Variants in BRF1 observed in about 807,000 individuals in gnomAD.
BRF1 encodes the protein transcription factor IIIB 90 kDa subunit.
BRF1 carries 59 observed loss-of-function variants against 81.7 expected under a neutral mutation model. The ratio of observed to expected loss-of-function variants is 0.72; its 90% CI spans 0.59 to 0.90. The LOEUF (loss-of-function observed/expected upper bound fraction) is 0.90. BRF1 is among the 40% of genes least tolerant of loss of function. BRF1 has a pLI of 0.00. For synonymous variants in BRF1, 491 were observed against 395.6 expected (o/e 1.24, Z -2.86); for missense variants, 1,050 against 936.3 (o/e 1.12, Z -1.58).
At position 105,289,050 on chromosome 14, in the gene BRF1, A is replaced by AG. The variant is rs1232036225; in HGVS notation, c.185-2675_185-2674insC. ...GACCCTGTCTCAAAAAAAAAAAAAA[A>AG]AAGAAGCTAGAACAGGCCAGGCATA... On this transcript the variant is annotated intron_variant, in intron 1 of 17. Coordinates refer to ENST00000547530, the MANE Select transcript of BRF1 (RefSeq NM_001519.4). Among the ~76,000 whole-genome samples, 88 of 151,656 alleles carry AG rather than the reference A, an allele frequency of 5.8e-4. 1 individual carries two copies. Among genetic ancestry groups the AG allele is most frequent in the Non-Finnish European group, 9.4e-4 (64 of 67,878 alleles).
chr14:105,263,140 G>C (rs1268536061), intron 3 of BRF1, among the ~76,000 whole-genome samples: 1 of 151,308 alleles, frequency 6.6e-6, no homozygotes, highest in Non-Finnish European at 1.5e-5. Context: ...GGGAGGCTGA[G>C]GCAGGAGAAT....
intron 6 of BRF1, among the ~76,000 whole-genome samples, chr14:105,229,551 C>A (rs587705211): frequency 1.3e-5 from 2 of 152,314 alleles, no homozygotes; most frequent in Non-Finnish European, 2.9e-5. Flanking sequence ...CCACATCCAC[C>A]CACCAGCACC....
chr14:105,229,198 C>G (rs587733065), intron 6 of BRF1, among the ~76,000 whole-genome samples: 7 of 152,210 alleles, frequency 4.6e-5, no homozygotes, highest in African/African-American at 1.4e-4. Flanking sequence ...AACAAACTAA[C>G]TCTAAGATGA....
intron 11 of BRF1, among the ~76,000 whole-genome samples, chr14:105,221,261 C>T (rs1892239023): frequency 6.6e-6 from 1 of 152,188 alleles, no homozygotes; most frequent in Non-Finnish European, 1.5e-5. Context: ...AGGGGTGCCT[C>T]GTCATTGCCA....
At chr14:105,279,326 T>C (rs2056974706) in intron 2 of BRF1, among the ~76,000 whole-genome samples, 2 of 152,170 alleles carry the variant, frequency 1.3e-5, no homozygotes, top group Non-Finnish European at 2.9e-5. Context: ...AGGACTCGAA[T>C]CCAGAATATA....
At chr14:105,215,855 C>T (rs982385226) in intron 15 of BRF1, among the ~76,000 whole-genome samples, 10 of 149,454 alleles carry the variant, frequency 6.7e-5, no homozygotes, top group African/African-American at 2.2e-4. Flanking sequence ...GACACAGGCA[C>T]ACACACACAT....
At chr14:105,272,361 C>T (rs1232992339) in intron 3 of BRF1, among the ~76,000 whole-genome samples, 1 of 152,230 alleles carries the variant, frequency 6.6e-6, no homozygotes, top group Non-Finnish European at 1.5e-5. Flanking sequence ...CAGCACCCCA[C>T]CTGCTCAGGC....
upstream of BRF1, among the ~76,000 whole-genome samples, chr14:105,304,381 G>A (rs368246909): frequency 5.3e-5 from 8 of 152,220 alleles, no homozygotes; most frequent in African/African-American, 1.2e-4. Context: ...CCAGCTACTC[G>A]GGAGGCTGAG....
intron 3 of BRF1, among the ~76,000 whole-genome samples, chr14:105,270,906 C>T (rs890422923): frequency 1.3e-5 from 2 of 152,124 alleles, no homozygotes; most frequent in South Asian, 2.1e-4. Context: ...TCCCTGCACC[C>T]CACTCAAAAG....
At chr14:105,243,756 G>C (rs1272822689) in intron 5 of BRF1, among the ~76,000 whole-genome samples, 2 of 152,176 alleles carry the variant, frequency 1.3e-5, no homozygotes, top group African/African-American at 2.4e-5. Flanking sequence ...AGCACTTTGG[G>C]AGGCCGAGGA....
chr14:105,248,819 G>C (rs2055348851), intron 5 of BRF1: 5 of 986,318 alleles, frequency 5.1e-6, no homozygotes, highest in Non-Finnish European at 4.8e-6. Flanking sequence ...CGAGGGCGCG[G>C]GGCGCGGCGT....
chr14:105,314,210 G>A (rs1240386128), intron 1 of BRF1, among the ~76,000 whole-genome samples: 1 of 152,082 alleles, frequency 6.6e-6, no homozygotes, highest in Non-Finnish European at 1.5e-5. Context: ...TCGGGGACGG[G>A]CGGGGCCCGC....
In BRF1 at chr14:105,221,736, C is replaced by T; in HGVS notation, c.1227G>A (p.Gly409=). 6.2e-7 allele frequency: 1 copy of T among 1,610,436 alleles called. No homozygotes were observed. The highest frequency in any genetic ancestry group is 8.5e-7 in the Non-Finnish European group (1 of 1,179,502). Residue 409 remains glycine (G), a synonymous_variant, in exon 11 of 18, where the codon GGG becomes GGA. Coordinates refer to ENST00000547530, the MANE Select transcript of BRF1 (RefSeq NM_001519.4). ...PEWGGRPPAL[G]SLLDPLPTAA... ...CAGTGGGGAGGGGGTCCAGCAGGGA[C>T]CCCAGGGCCGGAGGTCTGCCGCCCC...
intron 5 of BRF1, chr14:105,248,995 C>G (rs1487064224): frequency 2.0e-6 from 2 of 1,005,660 alleles, no homozygotes; most frequent in South Asian, 9.0e-5. Flanking sequence ...GCGCCAGCGC[C>G]GCCGCCGCCC....
chr14:105,219,819 G>A (rs1033022551), intron 12 of BRF1: 2 of 568,882 alleles, frequency 3.5e-6, no homozygotes, highest in African/African-American at 3.8e-5. Context: ...TGCAGGCTAT[G>A]TGCCGAGGGC....
chr14:105,211,625 G>C, intron 16 of BRF1: 1 of 369,188 alleles, frequency 2.7e-6, no homozygotes, highest in Non-Finnish European at 4.9e-6. Flanking sequence ...CTCAGCCCCC[G>C]GGGGCTTGGC....
At chr14:105,294,263 C>T (rs1048352153) in intron 1 of BRF1, among the ~76,000 whole-genome samples, 1 of 152,230 alleles carries the variant, frequency 6.6e-6, no homozygotes, top group African/African-American at 2.4e-5. Context: ...GCTGGGCCTG[C>T]GCCTCCCTCC....
intron 1 of BRF1, among the ~76,000 whole-genome samples, chr14:105,296,739 A>G (rs2057763774): frequency 6.6e-6 from 1 of 152,146 alleles, no homozygotes; most frequent in Non-Finnish European, 1.5e-5. Flanking sequence ...GCAAAGCCAT[A>G]GGAAACAGGA....
At position 105,210,680 on chromosome 14, in the gene BRF1, A is replaced by G; in HGVS notation, c.1997-92T>C. ...CGCCCTGTTCCTGGTGCCCCCCTAG[A>G]AGACTCAGGCTCCAGCCCCAGCCCC... On this transcript the variant is annotated intron_variant, in intron 17 of 17. Coordinates refer to ENST00000547530, the MANE Select transcript of BRF1 (RefSeq NM_001519.4). The surrounding 1 kb of genome is among the most constrained non-coding windows in gnomAD (Gnocchi z 4.7). 1 of 1,421,694 alleles carries G rather than the reference A, an allele frequency of 7.0e-7. No homozygotes were observed. Among genetic ancestry groups the G allele is most frequent in the Non-Finnish European group, 9.6e-7 (1 of 1,042,050 alleles). The allele number at this position is 1,421,694 out of a possible 1,614,324, so 88.1% of individuals were successfully genotyped here.
Sources: allele counts gnomAD v4.1 joint callset (sites outside exome capture counted in the v4.1 genomes callset), GRCh38; gene constraint gnomAD v4.1.1; non-coding constraint Gnocchi (gnomAD v3.1); transcripts MANE v1.5; gene names NCBI Gene and HGNC (gene_info 2026-07-23, HGNC 2026-07-21).